The following DGKI variants were observed in gnomAD, a reference collection of about 807,000 sequenced individuals.
The protein encoded by DGKI is diacylglycerol kinase iota.
A neutral mutation model predicts 147.5 loss-of-function variants in DGKI; 55 were observed. The ratio of observed to expected loss-of-function variants is 0.37; its 90% CI spans 0.30 to 0.47. The LOEUF (loss-of-function observed/expected upper bound fraction) is 0.47. Ranked by LOEUF, DGKI falls within the 20% of genes least tolerant of loss-of-function variation. The probability of loss-of-function intolerance (pLI) is 1.00; values close to 1 mark genes in which losing one functional copy is unlikely to be tolerated. For missense variants in DGKI, 1,007 were observed against 1,323.8 expected (o/e 0.76, Z 3.71); for synonymous variants, 469 against 477.1 (o/e 0.98, Z 0.22).
intron 1 of DGKI, among the ~76,000 whole-genome samples, chr7:137,759,334 CT>C (rs551016252): frequency 0.062 from 9,072 of 146,176 alleles, 876 homozygotes; most frequent in African/African-American, 0.21. Context: ...GCTCTACATT[CT>C]TTTTTTTTTT....
intron 19 of DGKI, among the ~76,000 whole-genome samples, chr7:137,560,882 A>C (rs1818397511): frequency 6.6e-6 from 1 of 152,210 alleles, no homozygotes. Flanking sequence ...CCATGAATTT[A>C]AAATAATAAA....
chr7:137,530,345 A>T (rs995851045), intron 20 of DGKI, among the ~76,000 whole-genome samples: 1 of 152,006 alleles, frequency 6.6e-6, no homozygotes, highest in African/African-American at 2.4e-5. Context: ...GCTGCAGTTT[A>T]TCCTCCTCTA....
chr7:137,804,743 C>T (rs375443229), intron 1 of DGKI, among the ~76,000 whole-genome samples: 14 of 152,254 alleles, frequency 9.2e-5, no homozygotes, highest in African/African-American at 3.1e-4. Context: ...CCATGATTCA[C>T]GGCAGAGCTT....
chr7:137,593,227 CAGAT>C (rs1819675035), intron 12 of DGKI, among the ~76,000 whole-genome samples: 1 of 151,978 alleles, frequency 6.6e-6, no homozygotes, highest in Non-Finnish European at 1.5e-5. Context: ...AGTCAGGAGC[CAGAT>C]AGATAGGGAC....
At chr7:137,708,120 T>G (rs1329369704) in intron 1 of DGKI, among the ~76,000 whole-genome samples, 1 of 152,230 alleles carries the variant, frequency 6.6e-6, no homozygotes, top group African/African-American at 2.4e-5. Flanking sequence ...CCCACTAAGA[T>G]GTCTCTTTAC....
At chr7:137,621,036 G>A (rs1014434048) in intron 7 of DGKI, among the ~76,000 whole-genome samples, 1 of 152,070 alleles carries the variant, frequency 6.6e-6, no homozygotes, top group Admixed American at 6.6e-5. Flanking sequence ...AAAAAAACTG[G>A]CAAATATGTC....
At chr7:137,841,882 C>A (rs973828585) in intron 1 of DGKI, among the ~76,000 whole-genome samples, 1 of 152,202 alleles carries the variant, frequency 6.6e-6, no homozygotes, top group African/African-American at 2.4e-5. Flanking sequence ...CCAGCAAAGA[C>A]CTCTCTTCAA....
chr7:137,698,073 C>T (rs1823853569), intron 1 of DGKI, among the ~76,000 whole-genome samples: 1 of 149,776 alleles, frequency 6.7e-6, no homozygotes, highest in African/African-American at 2.5e-5. Context: ...TATATATCTC[C>T]AGACAGATAT....
At position 137,846,161 on chromosome 7, in the gene DGKI, TCACACACACACA is replaced by T. The variant is rs58484819; in HGVS notation, c.401+289_401+300del. 9.3e-4 allele frequency among the ~76,000 whole-genome samples: 101 copies of T among 108,192 alleles called. 1 individual carries two copies. Among genetic ancestry groups the T allele is most frequent in the African/African-American group, 3.5e-3 (90 of 25,964 alleles). 71.0% of individuals were successfully genotyped at this position (108,192 alleles called of 152,430 possible). A position where few individuals can be genotyped will look rare whatever the true frequency, so the allele number is the denominator to read the frequency against. On this transcript the variant is annotated intron_variant, in intron 1 of 32. Transcript: ENST00000614521. This position sits in a 1 kb window ranked among gnomAD's most constrained non-coding sequence, Gnocchi z 4.0. ...CTCTCTCTCTCTCTCTCTCTCTCTCTCACACACACACACACACACACACACACACACACACAC... is the reference window on the plus strand; with the variant it reads ...CTCTCTCTCTCTCTCTCTCTCTCTCTCACACACACACACACACACACACAC...
In DGKI at chr7:137,623,527, T is replaced by G; in HGVS notation, c.832A>C (p.Ser278Arg). Residue 278 changes from serine to arginine, a missense_variant, in exon 7 of 33, where the codon AGT becomes CGT. Physicochemically the swap from Ser to Arg is moderately radical, Grantham distance 110. This residue lies in a region of DGKI where 259 missense variants were observed against 362.5 expected (regional missense o/e 0.71). Transcript: ENST00000614521. ...KGFQQKFSFH[S>R]KEIVAISCSW... is the part of the protein sequence containing the mutation. ...CAGCTGATAGCCACAATCTCTTTAC[T>G]GTGGAAGGAGAACTTTTGCTGGAAG... is the stretch of plus-strand genomic sequence containing the variant. 6.2e-7 allele frequency: 1 copy of G among 1,614,074 alleles called. No individual in the cohort carries two copies. Among genetic ancestry groups the G allele is most frequent in the Non-Finnish European group, 8.5e-7 (1 of 1,179,958 alleles).
chr7:137,459,696 G>C (rs1814352616), intron 27 of DGKI, among the ~76,000 whole-genome samples: 1 of 151,700 alleles, frequency 6.6e-6, no homozygotes, highest in African/African-American at 2.4e-5. Flanking sequence ...GGATGGTCTT[G>C]ATCTCCTGAC....
chr7:137,710,252 A>G lies in DGKI; in HGVS notation c.402-20250T>C, dbSNP rs529879391. 4.3e-4 allele frequency among the ~76,000 whole-genome samples: 65 copies of G among 152,150 alleles called. 1 individual carries two copies. Among genetic ancestry groups the G allele is most frequent in the Non-Finnish European group, 8.8e-5 (6 of 67,956 alleles). ...ATACAATTTCAATCAAAAGTCCCAC[A>G]GGCTTTTGAGGGAACTTGACAAGCT... On this transcript the variant is annotated intron_variant, in intron 1 of 32. Coordinates refer to ENST00000614521, the MANE Select transcript of DGKI (RefSeq NM_001321708.2).
chr7:137,805,341 G>A (rs560332609), intron 1 of DGKI, among the ~76,000 whole-genome samples: 15 of 152,282 alleles, frequency 9.9e-5, no homozygotes, highest in East Asian at 9.7e-4. Context: ...TGATTCTGGC[G>A]AGGGAGCGAA....
At chr7:137,694,822 C>T (rs888546278) in intron 1 of DGKI, among the ~76,000 whole-genome samples, 4 of 152,226 alleles carry the variant, frequency 2.6e-5, no homozygotes, top group Non-Finnish European at 5.9e-5. Flanking sequence ...GGATAGTCCA[C>T]GCAATAAAAA....
chr7:137,825,456 A>G (rs1014887647), intron 1 of DGKI, among the ~76,000 whole-genome samples: 13 of 152,190 alleles, frequency 8.5e-5, no homozygotes, highest in African/African-American at 3.1e-4. Flanking sequence ...ATGTGCACAC[A>G]TTATTCCATT....
intron 6 of DGKI, 27 bp from the exon 7 acceptor site, chr7:137,623,581 A>G: frequency 6.3e-7 from 1 of 1,599,660 alleles, no homozygotes; most frequent in Non-Finnish European, 8.6e-7. Context: ...AGAGACAGAT[A>G]ATTTAAAACC....
At chr7:137,522,012 A>G (rs1259093007) in intron 20 of DGKI, 46 bp from the exon 21 acceptor site, 1 of 1,399,516 alleles carries the variant, frequency 7.1e-7, no homozygotes, top group South Asian at 1.2e-5. Flanking sequence ...AGAGAGCGGA[A>G]TTGGTAGCCA....
rs1378447931 is a variant in DGKI at position 137,487,702 on chromosome 7, G to A, written c.2249-13C>T. On this transcript the variant is annotated splice_polypyrimidine_tract_variant and intron_variant, in intron 21 of 32. Transcript: ENST00000614521. ...CCCAGAGGTATCGCTAAGGGTGAAG[G>A]AAGAAGAAAAATCTAAAATAACATA... is the stretch of plus-strand genomic sequence containing the variant. The A allele has an allele frequency of 2.5e-6, 4 of 1,609,746 alleles. No individual in the cohort carries two copies. The highest frequency in any genetic ancestry group is 3.4e-5 in the Admixed American group (2 of 59,458).
chr7:137,524,291 C>G (rs575734252), intron 20 of DGKI, among the ~76,000 whole-genome samples: 16 of 152,198 alleles, frequency 1.1e-4, no homozygotes, highest in African/African-American at 3.6e-4. Flanking sequence ...TTTGCACATG[C>G]AAGAGAAGTG....
Sources: gnomAD v4.1 joint callset for allele counts (sites outside exome capture counted in the v4.1 genomes callset) on GRCh38, gnomAD v4.1.1 for gene constraint, gnomAD v4.1.1 regional missense constraint, Gnocchi (gnomAD v3.1) non-coding constraint, MANE v1.5 for transcripts, NCBI Gene and HGNC (gene_info 2026-07-23, HGNC 2026-07-21) for gene names.